Variants in PGBD4 observed in about 807,000 individuals in gnomAD.
The protein encoded by PGBD4 is piggyBac transposable element-derived protein 4.
Under a neutral mutation model 0.3 loss-of-function variants are expected in PGBD4, and 1 was observed. That is an observed-to-expected ratio of 3.72 (90% CI 1.32 to 17.64). The LOEUF is 17.64. PGBD4 is among the 30% of genes most tolerant of loss of function. The probability of loss-of-function intolerance (pLI) is 0.11; values close to 1 mark genes in which losing one functional copy is unlikely to be tolerated. For synonymous variants in PGBD4, 253 were observed against 267.7 expected (o/e 0.95, Z 0.54); for missense variants, 624 against 719.7 (o/e 0.87, Z 1.52).
At position 34,104,527 on chromosome 15, in the gene PGBD4, C is replaced by T. The variant is rs1395959510; in HGVS notation, c.*238C>T. ...CTGAGGCAGGAGAATTGCTTGAACC[C>T]ATGAGGCGGAGGTTGCAGTGAGCTG... On this transcript the variant is annotated 3_prime_UTR_variant, in exon 1 of 1. Coordinates refer to ENST00000397766, the MANE Select transcript of PGBD4 (RefSeq NM_152595.5). 1.9e-6 allele frequency: 1 copy of T among 525,558 alleles called. No homozygotes were observed. Among genetic ancestry groups the T allele is most frequent in the Admixed American group, 3.6e-5 (1 of 27,940 alleles). 32.6% of individuals were successfully genotyped at this position (525,558 alleles called of 1,614,324 possible). A position where few individuals can be genotyped will look rare whatever the true frequency, so the allele number is the denominator to read the frequency against.
In PGBD4 at chr15:34,106,957, TAAAAAAAAAAAAAA is replaced by T; in HGVS notation, c.*2679_*2692del. ...GGGCAACATAGCCAGACCCTGTCTC[TAAAAAAAAAAAAAA>T]AAAAAAAAAAGACAAAAAAACAAAT... is the stretch of plus-strand genomic sequence containing the variant. On this transcript the variant is annotated 3_prime_UTR_variant, in exon 1 of 1. Coordinates refer to ENST00000397766, the MANE Select transcript of PGBD4 (RefSeq NM_152595.5). 1.3e-5 allele frequency: 1 copy of T among 74,620 alleles called. No individual in the cohort carries two copies. Among genetic ancestry groups the T allele is most frequent in the African/African-American group, 5.1e-5 (1 of 19,494 alleles). 4.6% of individuals were successfully genotyped at this position (74,620 alleles called of 1,614,324 possible).
Position 34,104,796 on chromosome 15 carries a change from C to T in PGBD4, c.*507C>T. 6.6e-6 allele frequency: 1 copy of T among 152,230 alleles called. No homozygotes were observed. Among genetic ancestry groups the T allele is most frequent in the Non-Finnish European group, 1.5e-5 (1 of 68,134 alleles). 9.4% of individuals were successfully genotyped at this position (152,230 alleles called of 1,614,324 possible). ...TAGTAGCTGGGATTACAGGCATGTG[C>T]CACCACACCCACCTAATTTTGCATT... On this transcript the variant is annotated 3_prime_UTR_variant, in exon 1 of 1. Coordinates refer to ENST00000397766, the MANE Select transcript of PGBD4 (RefSeq NM_152595.5).
rs545715424 is a variant in PGBD4, at chr15:34,104,347, A to G, written c.*58A>G. The G allele has an allele frequency of 3.2e-5, 50 of 1,542,406 alleles. No homozygotes were observed. The African/African-American group carries it at 5.9e-4, about 18-fold the overall frequency. On this transcript the variant is annotated 3_prime_UTR_variant, in exon 1 of 1. Coordinates refer to ENST00000397766, the MANE Select transcript of PGBD4 (RefSeq NM_152595.5). ...GATTAGAGACAAGTTCTGTTTAGAA[A>G]TAACTCCAAGATTGGGAGGCCGACC... is the stretch of plus-strand genomic sequence containing the variant.
At position 34,107,069 on chromosome 15, in the gene PGBD4, A is replaced by T. The variant is rs887081926; in HGVS notation, c.*2780A>T. On this transcript the variant is annotated 3_prime_UTR_variant, in exon 1 of 1. Coordinates refer to ENST00000397766, the MANE Select transcript of PGBD4 (RefSeq NM_152595.5). ...GAAAAAAGGGGCAAAATATATATTT[A>T]TTTAACTTATATACAAATAACATTC... The T allele has an allele frequency of 6.6e-6, 1 of 150,678 alleles. No individual in the cohort carries two copies. Among genetic ancestry groups the T allele is most frequent in the African/African-American group, 2.4e-5 (1 of 41,138 alleles). The allele number at this position is 150,678 out of a possible 1,614,324, so 9.3% of individuals were successfully genotyped here. A position where few individuals can be genotyped will look rare whatever the true frequency, so the allele number is the denominator to read the frequency against.
At position 34,106,489 on chromosome 15, in the gene PGBD4, C is replaced by T. The variant is rs1017554708; in HGVS notation, c.*2200C>T. 2 of 152,036 alleles carry T rather than the reference C, an allele frequency of 1.3e-5. No homozygotes were observed. The highest frequency in any genetic ancestry group is 1.3e-4 in the Admixed American group (2 of 15,228). 9.4% of individuals were successfully genotyped at this position (152,036 alleles called of 1,614,324 possible). On this transcript the variant is annotated 3_prime_UTR_variant, in exon 1 of 1. Coordinates refer to ENST00000397766, the MANE Select transcript of PGBD4 (RefSeq NM_152595.5). ...TCTTACTGTTATATCCTTGGTTTCT[C>T]TGGTGTGGGGTCTTCCTTACAGCAG...
rs774021041 is a variant in PGBD4 at position 34,104,311 on chromosome 15, TG to T, written c.*23del. The T allele has an allele frequency of 1.1e-5, 17 of 1,588,790 alleles. No homozygotes were observed. The highest frequency in any genetic ancestry group is 1.5e-5 in the Non-Finnish European group (17 of 1,166,218). ...TTAAATACCGATCATCATACACATC[TG>T]TTCCATTAGGATTAGAGACAAGTTC... On this transcript the variant is annotated 3_prime_UTR_variant, in exon 1 of 1. Transcript: ENST00000397766.
Position 34,103,580 on chromosome 15 carries a change from C to T in PGBD4, c.1049C>T (p.Ala350Val), listed in dbSNP as rs1271703582. The change falls in exon 1 of 1, where the codon GCA becomes GTA. Residue 350 changes from alanine to valine, a missense_variant. By Grantham distance (64) the Ala-to-Val change is moderately conservative (BLOSUM62 0). Transcript: ENST00000397766. This position sits in a 1 kb window ranked among gnomAD's most constrained non-coding sequence, Gnocchi z 4.6. Reference protein sequence around the residue: ...FRELHQNRTDAVGTARLNRKQ... With the variant: ...FRELHQNRTDVVGTARLNRKQ... ...GAATTACATCAAAATAGGACTGATG[C>T]AGTTGGGACAGCTCGTTTGAACAGA... 47 of 1,613,918 alleles carry T rather than the reference C, an allele frequency of 2.9e-5. No homozygotes were observed. Among genetic ancestry groups the T allele is most frequent in the Non-Finnish European group, 3.9e-5 (46 of 1,179,974 alleles).
chr15:34,104,039 A>C lies in PGBD4; in HGVS notation c.1508A>C (p.Gln503Pro). The C allele has an allele frequency of 6.2e-7, 1 of 1,614,186 alleles. No individual in the cohort carries two copies. The highest frequency in any genetic ancestry group is 8.5e-7 in the Non-Finnish European group (1 of 1,180,024). ...GAAAAGCATCACAAGCCAGGGCAGC[A>C]ACATCTTCGAGGTCGTCCTTGCTCC... ...MLEKHHKPGQ[Q>P]HLRGRPCSDD... Residue 503 changes from glutamine to proline, a missense_variant, in exon 1 of 1, where the codon CAA (glutamine) becomes CCA (proline). Coordinates refer to ENST00000397766, the MANE Select transcript of PGBD4 (RefSeq NM_152595.5).
chr15:34,104,117 C>A lies in PGBD4; in HGVS notation c.1586C>A (p.Pro529Gln), dbSNP rs138819947. The change falls in exon 1 of 1, where the codon CCA (proline) becomes CAA (glutamine). Residue 529 changes from proline (P) to glutamine (Q), a missense_variant. Coordinates refer to ENST00000397766, the MANE Select transcript of PGBD4 (RefSeq NM_152595.5). The part of the protein sequence containing the change: ...LSGRHFPKSI[P>Q]ATSGKQNPTG... ...GGAAGACATTTCCCCAAGAGCATACCAGCAACGTCCGGGAAACAGAATCCA... is the reference window on the plus strand; with the variant it reads ...GGAAGACATTTCCCCAAGAGCATACAAGCAACGTCCGGGAAACAGAATCCA... 169 of 1,614,072 alleles carry A rather than the reference C, an allele frequency of 1.0e-4. 1 individual carries two copies. The highest frequency in any genetic ancestry group is 1.3e-4 in the Non-Finnish European group (153 of 1,180,044).
Position 34,102,238 on chromosome 15 carries a change from C to A in PGBD4, c.-294C>A, listed in dbSNP as rs969662471. ...CTTTCAAAAAACTTCTAGAGACTCC[C>A]CAAGACGTATGAGATGAAAGGCTTC... On this transcript the variant is annotated 5_prime_UTR_variant, in exon 1 of 1. Coordinates refer to ENST00000397766, the MANE Select transcript of PGBD4 (RefSeq NM_152595.5). This position sits in a 1 kb window ranked among gnomAD's most constrained non-coding sequence, Gnocchi z 4.7. 10 of 473,130 alleles carry A rather than the reference C, an allele frequency of 2.1e-5. No individual in the cohort carries two copies. The highest frequency in any genetic ancestry group is 3.3e-5 in the Non-Finnish European group (9 of 271,030). The allele number at this position is 473,130 out of a possible 1,614,324, so 29.3% of individuals were successfully genotyped here. A position where few individuals can be genotyped will look rare whatever the true frequency, so the allele number is the denominator to read the frequency against.
At position 34,104,295 on chromosome 15, in the gene PGBD4, G is replaced by C; in HGVS notation, c.*6G>C. The C allele has an allele frequency of 6.2e-7, 1 of 1,605,652 alleles. No individual in the cohort carries two copies. Among genetic ancestry groups the C allele is most frequent in the Non-Finnish European group, 8.5e-7 (1 of 1,175,224 alleles). On this transcript the variant is annotated 3_prime_UTR_variant, in exon 1 of 1. Coordinates refer to ENST00000397766, the MANE Select transcript of PGBD4 (RefSeq NM_152595.5). Reference sequence around the variant, plus strand: ...ACACGAAAAAAAATTATTAAATACCGATCATCATACACATCTGTTCCATTA... The same window carrying C: ...ACACGAAAAAAAATTATTAAATACCCATCATCATACACATCTGTTCCATTA...
chr15:34,103,600 A>T lies in PGBD4; in HGVS notation c.1069A>T (p.Asn357Tyr). ...RTDAVGTARL[N>Y]RKQIPNDLKK... Reference sequence around the variant, plus strand: ...TGATGCAGTTGGGACAGCTCGTTTGAACAGAAAACAGATTCCAAATGATCT... The same window carrying T: ...TGATGCAGTTGGGACAGCTCGTTTGTACAGAAAACAGATTCCAAATGATCT... The change falls in exon 1 of 1, where the codon AAC becomes TAC. Residue 357 changes from asparagine to tyrosine, a missense_variant. Asn to Tyr is a moderately radical substitution (Grantham distance 143). Coordinates refer to ENST00000397766, the MANE Select transcript of PGBD4 (RefSeq NM_152595.5). The surrounding 1 kb of genome is among the most constrained non-coding windows in gnomAD (Gnocchi z 4.6). 1.2e-6 allele frequency: 2 copies of T among 1,614,190 alleles called. No individual in the cohort carries two copies. The highest frequency in any genetic ancestry group is 1.7e-6 in the Non-Finnish European group (2 of 1,180,032).
At position 34,103,594 on chromosome 15, in the gene PGBD4, C is replaced by T. The variant is rs537919517; in HGVS notation, c.1063C>T (p.Arg355Cys). Residue 355 changes from arginine (R) to cysteine (C), a missense_variant, in exon 1 of 1, where the codon CGT (arginine) becomes TGT (cysteine). Coordinates refer to ENST00000397766, the MANE Select transcript of PGBD4 (RefSeq NM_152595.5). The surrounding 1 kb of genome is among the most constrained non-coding windows in gnomAD (Gnocchi z 4.6). ...TAGGACTGATGCAGTTGGGACAGCTCGTTTGAACAGAAAACAGATTCCAAA... is the reference window on the plus strand; with the variant it reads ...TAGGACTGATGCAGTTGGGACAGCTTGTTTGAACAGAAAACAGATTCCAAA... ...QNRTDAVGTA[R>C]LNRKQIPNDL... 5.0e-6 allele frequency: 8 copies of T among 1,614,016 alleles called. No homozygotes were observed. The East Asian group carries it at 1.1e-4, about 22-fold the overall frequency.
Position 34,103,416 on chromosome 15 carries a change from AGGGCC to A in PGBD4, c.886_890del (p.Gly296TrpfsTer23). The A allele has an allele frequency of 6.2e-7, 1 of 1,614,238 alleles. No individual in the cohort carries two copies. The highest frequency in any genetic ancestry group is 1.1e-5 in the South Asian group (1 of 91,086). On this transcript the variant is annotated frameshift_variant, in exon 1 of 1. Transcript: ENST00000397766. LOFTEE classifies it low-confidence loss of function (END_TRUNC). This position sits in a 1 kb window ranked among gnomAD's most constrained non-coding sequence, Gnocchi z 4.6. ...ATGTGTGGAATGCGCTTGTTCACAC[AGGGCC>A]TGGCATGAATTTGAAAGATTCAGCG...
rs888063994 is a variant in PGBD4 at position 34,104,365 on chromosome 15, G to T, written c.*76G>T. The T allele has an allele frequency of 8.1e-6, 12 of 1,479,894 alleles. No individual in the cohort carries two copies. The highest frequency in any genetic ancestry group is 3.8e-4 in the Middle Eastern group (2 of 5,220). 91.7% of individuals were successfully genotyped at this position (1,479,894 alleles called of 1,614,324 possible). On this transcript the variant is annotated 3_prime_UTR_variant, in exon 1 of 1. Transcript: ENST00000397766. ...TTTAGAAATAACTCCAAGATTGGGAGGCCGACCTGGGTGGATCACCTGAGA... is the reference window on the plus strand; with the variant it reads ...TTTAGAAATAACTCCAAGATTGGGATGCCGACCTGGGTGGATCACCTGAGA...
chr15:34,102,520 T>G lies in PGBD4; in HGVS notation c.-12T>G, dbSNP rs1311512439. 1 of 1,497,494 alleles carries G rather than the reference T, an allele frequency of 6.7e-7. No individual in the cohort carries two copies. Among genetic ancestry groups the G allele is most frequent in the South Asian group, 1.3e-5 (1 of 74,772 alleles). The allele number at this position is 1,497,494 out of a possible 1,614,324, so 92.8% of individuals were successfully genotyped here. A position where few individuals can be genotyped will look rare whatever the true frequency, so the allele number is the denominator to read the frequency against. ...TTCCATCTACAAAATATAGTAATTC[T>G]CGATCGCTGAAATGTCAAATCCTAG... is the stretch of plus-strand genomic sequence containing the variant. On this transcript the variant is annotated 5_prime_UTR_variant, in exon 1 of 1. Transcript: ENST00000397766. The surrounding 1 kb of genome is among the most constrained non-coding windows in gnomAD (Gnocchi z 4.7).
In PGBD4 at chr15:34,103,485, C is replaced by T; in HGVS notation, c.954C>T (p.Val318=). The change falls in exon 1 of 1, where the codon GTC becomes GTT. Residue 318 remains valine (V), a synonymous_variant. Coordinates refer to ENST00000397766, the MANE Select transcript of PGBD4 (RefSeq NM_152595.5). The surrounding 1 kb of genome is among the most constrained non-coding windows in gnomAD (Gnocchi z 4.6). Reference sequence around the variant, plus strand: ...CATCACGCATTGTTCTTACCTTGGTCAATGACCTTCTTGGCCAAGGGTATT... The same window carrying T: ...CATCACGCATTGTTCTTACCTTGGTTAATGACCTTCTTGGCCAAGGGTATT... The part of the protein sequence containing the change: ...LKSSRIVLTL[V]NDLLGQGYCV... 1 of 1,614,198 alleles carries T rather than the reference C, an allele frequency of 6.2e-7. No individual in the cohort carries two copies. Among genetic ancestry groups the T allele is most frequent in the Non-Finnish European group, 8.5e-7 (1 of 1,180,032 alleles).
chr15:34,107,045 A>T lies in PGBD4; in HGVS notation c.*2756A>T, dbSNP rs992492893. Reference sequence around the variant, plus strand: ...TATATAGTATGCTACCAGTTGTGTGAAAAAAGGGGCAAAATATATATTTAT... The same window carrying T: ...TATATAGTATGCTACCAGTTGTGTGTAAAAAGGGGCAAAATATATATTTAT... On this transcript the variant is annotated 3_prime_UTR_variant, in exon 1 of 1. Coordinates refer to ENST00000397766, the MANE Select transcript of PGBD4 (RefSeq NM_152595.5). 1 of 150,542 alleles carries T rather than the reference A, an allele frequency of 6.6e-6. No individual in the cohort carries two copies. Among genetic ancestry groups the T allele is most frequent in the African/African-American group, 2.4e-5 (1 of 41,124 alleles). 9.3% of individuals were successfully genotyped at this position (150,542 alleles called of 1,614,324 possible).
chr15:34,102,278 G>A lies in PGBD4; in HGVS notation c.-254G>A. ...TGAAAGGCTTCTTCTGTCTGTGTGC[G>A]TTTAACTCATTTCTCCTTAGCCCCG... On this transcript the variant is annotated 5_prime_UTR_variant, in exon 1 of 1. Transcript: ENST00000397766. The surrounding 1 kb of genome is among the most constrained non-coding windows in gnomAD (Gnocchi z 4.7). 1.9e-6 allele frequency: 1 copy of A among 536,894 alleles called. No individual in the cohort carries two copies. The highest frequency in any genetic ancestry group is 3.2e-6 in the Non-Finnish European group (1 of 313,734). The allele number at this position is 536,894 out of a possible 1,614,324, so 33.3% of individuals were successfully genotyped here. A position where few individuals can be genotyped will look rare whatever the true frequency, so the allele number is the denominator to read the frequency against.
Sources: allele counts gnomAD v4.1 joint callset, GRCh38; gene constraint gnomAD v4.1.1; non-coding constraint Gnocchi (gnomAD v3.1); transcripts MANE v1.5; gene names NCBI Gene and HGNC (gene_info 2026-07-23, HGNC 2026-07-21).